KPNA3: variants seen among roughly 807,000 people sequenced by gnomAD.
KPNA3 encodes importin subunit alpha-4.
In KPNA3, 13 loss-of-function variants were observed where a neutral mutation model predicts 73.8. That is an observed-to-expected ratio of 0.18 (90% CI 0.11 to 0.28). The LOEUF is 0.28. Among genes scored for constraint, KPNA3 ranks in the 10% least tolerant of loss-of-function variants. The probability of loss-of-function intolerance (pLI) is 1.00; values close to 1 mark genes in which losing one functional copy is unlikely to be tolerated. For synonymous variants in KPNA3, 186 were observed against 206.9 expected, an observed-to-expected ratio of 0.90 and a Z score of 0.87; for missense variants, 360 against 618.1, an observed-to-expected ratio of 0.58 and a Z score of 4.43.
intron 2 of KPNA3, among the ~76,000 whole-genome samples, chr13:49,744,167 G>A (rs572912667): frequency 6.6e-6 from 1 of 152,172 alleles, no homozygotes; most frequent in South Asian, 2.1e-4. Context: ...TCATCAAGCT[G>A]GATACTTACG....
At chr13:49,727,666 A>AT (rs903420799) in intron 6 of KPNA3, among the ~76,000 whole-genome samples, 8 of 152,118 alleles carry the variant, frequency 5.3e-5, no homozygotes, top group Admixed American at 1.3e-4. Context: ...ATGGATTTCA[A>AT]TTTTTTTGCA....
At position 49,704,190 on chromosome 13, in the gene KPNA3, G is replaced by A. The variant is rs867791810; in HGVS notation, c.1372+1431C>T. 4.1e-4 allele frequency among the ~76,000 whole-genome samples: 62 copies of A among 152,268 alleles called. 1 individual carries two copies. In the Middle Eastern group the frequency reaches 0.014, roughly 33 times the overall value. ...TAATCCCAGCACTTTGGGAAGCCGAGGCGGGCAGATCACCCGAGGTTGGGA... is the reference window on the plus strand; with the variant it reads ...TAATCCCAGCACTTTGGGAAGCCGAAGCGGGCAGATCACCCGAGGTTGGGA... On this transcript the variant is annotated intron_variant, in intron 15 of 16. Coordinates refer to ENST00000261667, the MANE Select transcript of KPNA3 (RefSeq NM_002267.4).
intron 1 of KPNA3, among the ~76,000 whole-genome samples, chr13:49,779,003 A>C (rs1363399168): frequency 6.6e-6 from 1 of 152,190 alleles, no homozygotes; most frequent in Non-Finnish European, 1.5e-5. Flanking sequence ...CAACTAGATG[A>C]GTGGACAACA....
chr13:49,711,927 A>G (rs1011540201), intron 10 of KPNA3, among the ~76,000 whole-genome samples: 1 of 152,198 alleles, frequency 6.6e-6, no homozygotes, highest in Non-Finnish European at 1.5e-5. Flanking sequence ...GAACACTAAA[A>G]ATTTCCATTA....
chr13:49,778,658 T>A (rs984365910), intron 1 of KPNA3, among the ~76,000 whole-genome samples: 1 of 152,256 alleles, frequency 6.6e-6, no homozygotes, highest in Non-Finnish European at 1.5e-5. Flanking sequence ...TGTTGTTGTT[T>A]TTTCTGAGAC....
Position 49,737,065 on chromosome 13 carries a change from T to C in KPNA3, c.115-4019A>G, listed in dbSNP as rs555550595. 6.6e-4 allele frequency among the ~76,000 whole-genome samples: 101 copies of C among 152,332 alleles called. 2 individuals carry two copies. Among genetic ancestry groups the C allele is most frequent in the Admixed American group, 1.8e-3 (28 of 15,302 alleles). ...GCCAAATAGTATTTCATCATATAGA[T>C]ATACTGTAGACATATTACAGTATGT... On this transcript the variant is annotated intron_variant, in intron 2 of 16. Transcript: ENST00000261667.
At chr13:49,787,330 C>T (rs1016138420) in intron 1 of KPNA3, among the ~76,000 whole-genome samples, 1 of 152,166 alleles carries the variant, frequency 6.6e-6, no homozygotes, top group Non-Finnish European at 1.5e-5. Context: ...TAGTAAAGTT[C>T]ATCAAAAATT....
At chr13:49,726,443 C>A (rs576242439) in intron 6 of KPNA3, among the ~76,000 whole-genome samples, 10 of 152,008 alleles carry the variant, frequency 6.6e-5, no homozygotes, top group Non-Finnish European at 1.3e-4. Flanking sequence ...TGTGTAGGAA[C>A]GACAAGGATT....
chr13:49,755,134 C>G (rs538521801), intron 1 of KPNA3, among the ~76,000 whole-genome samples: 9 of 151,946 alleles, frequency 5.9e-5, no homozygotes, highest in Non-Finnish European at 1.2e-4. Context: ...AAATCCTTAT[C>G]AAAATGTTAC....
In KPNA3 at chr13:49,713,674, C is replaced by CACACAA. The variant is rs563909268; in HGVS notation, c.772-2653_772-2652insTTGTGT. ...ACACACACACACACACACACACACA[C>CACACAA]AAAACAGAAAAACCCAACAACAAAA... On this transcript the variant is annotated intron_variant, in intron 10 of 16. Transcript: ENST00000261667. 5.2e-3 allele frequency among the ~76,000 whole-genome samples: 732 copies of CACACAA among 141,978 alleles called. 9 individuals carry two copies. The highest frequency in any genetic ancestry group is 0.022 in the East Asian group (107 of 4,890). 93.1% of individuals were successfully genotyped at this position (141,978 alleles called of 152,430 possible).
At chr13:49,792,058 C>A (rs1189529753) in intron 1 of KPNA3, among the ~76,000 whole-genome samples, 2 of 152,160 alleles carry the variant, frequency 1.3e-5, no homozygotes, top group Admixed American at 6.5e-5. Context: ...CGGTGGCGGG[C>A]GCAAGCAGCG....
chr13:49,709,390 C>T (rs556902300), intron 12 of KPNA3, among the ~76,000 whole-genome samples, 182 bp downstream of exon 12: 1 of 134,296 alleles, frequency 7.4e-6, no homozygotes, highest in African/African-American at 2.7e-5. Context: ...AACAGACAGA[C>T]TCTGTCTCAA....
At chr13:49,782,963 G>A (rs1161341699) in intron 1 of KPNA3, among the ~76,000 whole-genome samples, 2 of 152,002 alleles carry the variant, frequency 1.3e-5, no homozygotes, top group Non-Finnish European at 2.9e-5. Flanking sequence ...GCTACCACAA[G>A]TAAATATGCT....
intron 1 of KPNA3, among the ~76,000 whole-genome samples, chr13:49,762,943 G>C (rs1327425335): frequency 3.5e-4 from 40 of 112,760 alleles, no homozygotes; most frequent in African/African-American, 9.7e-4. Context: ...AAGAAGAGGA[G>C]AGGTCGGTCA....
rs960032865 is a variant in KPNA3 at position 49,729,445 on chromosome 13, T to TA, written c.383+2925dup. On this transcript the variant is annotated intron_variant, in intron 6 of 16. Transcript: ENST00000261667. ...TCTTTCAAGATGTCATGTGGAAAAA[T>TA]AAAAAAAAATGAGAAAAGATATAGA... 1.3e-4 allele frequency among the ~76,000 whole-genome samples: 19 copies of TA among 150,400 alleles called. 1 individual carries two copies. The South Asian group carries it at 2.7e-3, about 22-fold the overall frequency.
chr13:49,735,863 T>C (rs1009998812), intron 2 of KPNA3, among the ~76,000 whole-genome samples: 4 of 152,174 alleles, frequency 2.6e-5, no homozygotes, highest in African/African-American at 9.6e-5. Flanking sequence ...CCCAACTTAA[T>C]ATATTGTTTG....
chr13:49,752,915 T>A (rs556388534), intron 1 of KPNA3, among the ~76,000 whole-genome samples: 129 of 149,380 alleles, frequency 8.6e-4, no homozygotes, highest in Non-Finnish European at 1.6e-3. Context: ...TAGTCCCAGC[T>A]ACTCGGGAGG....
chr13:49,728,617 C>T (rs1265280486), intron 6 of KPNA3, among the ~76,000 whole-genome samples: 1 of 152,080 alleles, frequency 6.6e-6, no homozygotes, highest in African/African-American at 2.4e-5. Flanking sequence ...AAAGTACAAT[C>T]GAAGCAAAAG....
At chr13:49,738,482 A>T (rs912192331) in intron 2 of KPNA3, among the ~76,000 whole-genome samples, 1 of 152,244 alleles carries the variant, frequency 6.6e-6, no homozygotes, top group South Asian at 2.1e-4. Context: ...TTCCAATCCA[A>T]GAACACAGTA....
Sources: allele counts gnomAD v4.1 joint callset (sites outside exome capture counted in the v4.1 genomes callset), GRCh38; gene constraint gnomAD v4.1.1; transcripts MANE v1.5; gene names NCBI Gene and HGNC (gene_info 2026-07-23, HGNC 2026-07-21).